The following ZWILCH variants were observed in gnomAD, a reference collection of about 807,000 sequenced individuals.
ZWILCH encodes the protein zwilch kinetochore protein, also known as protein zwilch homolog.
A neutral mutation model predicts 79.9 loss-of-function variants in ZWILCH; 74 were observed. The observed-to-expected ratio is 0.93, with a 90% confidence interval of 0.77 to 1.12. The LOEUF (loss-of-function observed/expected upper bound fraction) is 1.12. ZWILCH is among the 50% of genes most tolerant of loss of function. The probability of loss-of-function intolerance (pLI) is 0.00; values close to 1 mark genes in which losing one functional copy is unlikely to be tolerated. For synonymous variants in ZWILCH, 241 were observed against 228.2 expected (o/e 1.06, Z -0.51); for missense variants, 694 against 687.5 (o/e 1.01, Z -0.11).
chr15:66,529,528 C>G lies in ZWILCH; in HGVS notation c.1110C>G (p.Phe370Leu), dbSNP rs752534902. Reference protein sequence around the residue: ...VISYQDLVKCFTLIIQSLQRG... With the variant: ...VISYQDLVKCLTLIIQSLQRG... ...CATACCAAGACTTGGTGAAGTGTTT[C>G]ACATTGATCATCCAGAGTCTACAAC... Residue 370 changes from phenylalanine to leucine, a missense_variant, in exon 12 of 19, where the codon TTC becomes TTG. Physicochemically the swap from Phe to Leu is conservative, Grantham distance 22. Transcript: ENST00000307897. The G allele has an allele frequency of 2.0e-5, 33 of 1,613,778 alleles. No homozygotes were observed. Among genetic ancestry groups the G allele is most frequent in the Non-Finnish European group, 2.6e-5 (31 of 1,179,930 alleles).
intron 16 of ZWILCH, among the ~76,000 whole-genome samples, chr15:66,539,470 C>A (rs902944596): frequency 6.6e-6 from 1 of 151,716 alleles, no homozygotes; most frequent in South Asian, 2.1e-4. Context: ...AATTTGTCCC[C>A]TTCTCTACAT....
In ZWILCH at chr15:66,515,886, CT is replaced by C. The variant is rs545600354; in HGVS notation, c.320+243del. Among the ~76,000 whole-genome samples the C allele has an allele frequency of 4.2e-3, 646 of 152,270 alleles. 5 individuals carry two copies. Among genetic ancestry groups the C allele is most frequent in the Middle Eastern group, 6.8e-3 (2 of 294 alleles). Reference sequence around the variant, plus strand: ...CCTCTATACCAATTTATTGTTGTTTCTCAATTGTTTTCCTTATGTGTAATCT... The same window carrying C: ...CCTCTATACCAATTTATTGTTGTTTCCAATTGTTTTCCTTATGTGTAATCT... On this transcript the variant is annotated intron_variant, in intron 4 of 18. Transcript: ENST00000307897.
intron 14 of ZWILCH, among the ~76,000 whole-genome samples, chr15:66,535,595 G>A (rs568966444): frequency 6.6e-6 from 1 of 151,364 alleles, no homozygotes; most frequent in East Asian, 2.0e-4. Context: ...AGAATCACTT[G>A]AATCCAGGAG....
chr15:66,522,918 G>A (rs543908484), intron 7 of ZWILCH, among the ~76,000 whole-genome samples: 3 of 152,166 alleles, frequency 2.0e-5, no homozygotes, highest in African/African-American at 7.2e-5. Context: ...TGCCTCCCAG[G>A]TTCAAGCTAT....
intron 14 of ZWILCH, among the ~76,000 whole-genome samples, chr15:66,534,729 G>T (rs1894957457): frequency 6.6e-6 from 1 of 152,026 alleles, no homozygotes; most frequent in Non-Finnish European, 1.5e-5. Context: ...AATGGAGCTT[G>T]CAGGACTGGA....
Position 66,544,580 on chromosome 15 carries a change from T to A in ZWILCH, c.1688-2011T>A, listed in dbSNP as rs371118722. The stretch of plus-strand genomic sequence containing the variant: ...TTCTCAAACTCCTGAGCTGAAATAT[T>A]CCCCCTGGCTCAGCCTCCCAAAGCC... On this transcript the variant is annotated intron_variant, in intron 17 of 18. Transcript: ENST00000307897. Among the ~76,000 whole-genome samples the A allele has an allele frequency of 1.7e-3, 252 of 152,080 alleles. 2 individuals carry two copies. Among genetic ancestry groups the A allele is most frequent in the African/African-American group, 5.9e-3 (246 of 41,488 alleles).
At chr15:66,526,284 A>C (rs931065971) in intron 8 of ZWILCH, among the ~76,000 whole-genome samples, 2 of 152,092 alleles carry the variant, frequency 1.3e-5, no homozygotes, top group Admixed American at 1.3e-4. Context: ...TGGTTTAGCT[A>C]CTATTTCTTC....
intron 18 of ZWILCH, chr15:66,547,196 T>C (rs1895405777): frequency 7.5e-6 from 1 of 132,710 alleles, no homozygotes; most frequent in African/African-American, 3.1e-5. Flanking sequence ...TTTTCTTTTT[T>C]TTTTTTTTTT....
chr15:66,545,984 T>C (rs1320091742), intron 17 of ZWILCH, among the ~76,000 whole-genome samples: 4 of 152,190 alleles, frequency 2.6e-5, no homozygotes, highest in African/African-American at 9.7e-5. Context: ...ATGTGTACTT[T>C]TAGCCACCAT....
Position 66,514,059 on chromosome 15 carries a change from C to T in ZWILCH, c.177C>T (p.Asp59=). ...TGAAAAATATTCTAAATGAAAATGA[C>T]ATAGTATTCATAGTGGAAAAAGTGG... ...NPLKNILNEN[D]IVFIVEKVPL... is the part of the protein sequence containing the mutation. Residue 59 remains aspartate, a synonymous_variant, in exon 3 of 19, where the codon GAC becomes GAT. Coordinates refer to ENST00000307897, the MANE Select transcript of ZWILCH (RefSeq NM_017975.5). 1 of 1,609,784 alleles carries T rather than the reference C, an allele frequency of 6.2e-7. No individual in the cohort carries two copies. The highest frequency in any genetic ancestry group is 8.5e-7 in the Non-Finnish European group (1 of 1,177,992).
rs1319747195 is a variant in ZWILCH, at chr15:66,549,614, A to G, written c.*1290A>G. 1 of 153,968 alleles carries G rather than the reference A, an allele frequency of 6.5e-6. No homozygotes were observed. The highest frequency in any genetic ancestry group is 1.9e-4 in the East Asian group (1 of 5,250). 9.5% of individuals were successfully genotyped at this position (153,968 alleles called of 1,614,324 possible). ...CAGGGACCTTGTTTTGTTCCTGGCT[A>G]TATCTCATGACTTAAACATTCCCTG... On this transcript the variant is annotated 3_prime_UTR_variant, in exon 19 of 19. Transcript: ENST00000307897.
intron 13 of ZWILCH, 24 bp from the exon 14 acceptor site, chr15:66,532,961 C>T: frequency 6.6e-7 from 1 of 1,519,752 alleles, no homozygotes; most frequent in Non-Finnish European, 8.9e-7. Flanking sequence ...AGTGTTTTTG[C>T]ATGTATGTGT....
intron 14 of ZWILCH, 73 bp from the exon 15 acceptor site, chr15:66,535,860 G>A: frequency 3.0e-6 from 4 of 1,312,976 alleles, no homozygotes; most frequent in South Asian, 1.6e-5. Context: ...GGTGTAGAAG[G>A]CATACCTATA....
intron 7 of ZWILCH, 104 bp from the exon 8 acceptor site, chr15:66,523,573 A>G (rs1363394097): frequency 1.4e-6 from 1 of 689,886 alleles, no homozygotes; most frequent in Non-Finnish European, 2.5e-6. Context: ...TTTATGAAAT[A>G]TATTTTTTAA....
intron 2 of ZWILCH, among the ~76,000 whole-genome samples, chr15:66,509,151 A>G (rs1595901324): frequency 6.6e-6 from 1 of 152,166 alleles, no homozygotes; most frequent in African/African-American, 2.4e-5. Context: ...CATGTTAGCC[A>G]GGATGGTCTC....
chr15:66,525,973 A>G (rs572931657), intron 8 of ZWILCH, among the ~76,000 whole-genome samples: 63 of 152,104 alleles, frequency 4.1e-4, no homozygotes, highest in Admixed American at 1.1e-3. Flanking sequence ...CACGTTGGCC[A>G]GGCTGGTCTT....
intron 17 of ZWILCH, among the ~76,000 whole-genome samples, chr15:66,544,724 T>TTTTTGTGTGTGTG (rs145952622): frequency 6.2e-5 from 8 of 128,490 alleles, no homozygotes; most frequent in African/African-American, 2.5e-4. Context: ...TTTTTGGTTT[T>TTTTTGTGTGTGTG]TGTGTGTGTG....
At chr15:66,526,019 C>T (rs1200843820) in intron 8 of ZWILCH, among the ~76,000 whole-genome samples, 1 of 152,110 alleles carries the variant, frequency 6.6e-6, no homozygotes, top group Non-Finnish European at 1.5e-5. Context: ...CTGTCTCGGC[C>T]ACCCAAAGTG....
chr15:66,540,379 C>A (rs1016695146), intron 17 of ZWILCH, among the ~76,000 whole-genome samples, 169 bp downstream of exon 17: 2 of 151,986 alleles, frequency 1.3e-5, no homozygotes, highest in Non-Finnish European at 2.9e-5. Flanking sequence ...TGGTGAAACC[C>A]CATCTCTACT....
Sources: allele counts gnomAD v4.1 joint callset (sites outside exome capture counted in the v4.1 genomes callset), GRCh38; gene constraint gnomAD v4.1.1; transcripts MANE v1.5; gene names NCBI Gene and HGNC (gene_info 2026-07-23, HGNC 2026-07-21).